The following SHC4 variants were observed in gnomAD, a reference collection of about 807,000 sequenced individuals.
SHC4 encodes the protein SHC-transforming protein 4.
Under a neutral mutation model 69.4 loss-of-function variants are expected in SHC4, and 41 were observed. The ratio of observed to expected loss-of-function variants is 0.59; its 90% CI spans 0.46 to 0.77. The LOEUF (loss-of-function observed/expected upper bound fraction) is 0.77. SHC4 is among the 30% of genes least tolerant of loss of function. The pLI is 0.00. For synonymous variants in SHC4, 318 were observed against 299.3 expected (o/e 1.06, Z -0.64); for missense variants, 777 against 783.8 (o/e 0.99, Z 0.10).
At chr15:48,863,835 A>G (rs1899500299) in intron 6 of SHC4, among the ~76,000 whole-genome samples, 1 of 152,158 alleles carries the variant, frequency 6.6e-6, no homozygotes, top group African/African-American at 2.4e-5. Flanking sequence ...TTGTGTGCTC[A>G]GGACGTAGAA....
intron 5 of SHC4, 61 bp downstream of exon 5, chr15:48,872,028 G>T: frequency 9.8e-7 from 1 of 1,021,738 alleles, no homozygotes; most frequent in Non-Finnish European, 1.5e-6. Context: ...TTATCATCCA[G>T]CCCCAAATGT....
chr15:48,829,104 C>G (rs141535396), intron 11 of SHC4, among the ~76,000 whole-genome samples: 1 of 152,144 alleles, frequency 6.6e-6, no homozygotes, highest in Non-Finnish European at 1.5e-5. Flanking sequence ...TCCACTGATA[C>G]TTGTTATGAT....
chr15:48,959,522 A>G (rs959654564), intron 1 of SHC4, among the ~76,000 whole-genome samples: 5 of 152,224 alleles, frequency 3.3e-5, no homozygotes, highest in African/African-American at 1.2e-4. Flanking sequence ...GAGCAGTCAC[A>G]TGATATGGAT....
chr15:48,956,648 C>T (rs1255315178), intron 1 of SHC4, among the ~76,000 whole-genome samples: 1 of 152,122 alleles, frequency 6.6e-6, no homozygotes, highest in Non-Finnish European at 1.5e-5. Flanking sequence ...TGTTCTACCA[C>T]CCTCCATCTC....
At chr15:48,957,189 G>T (rs1418735665) in intron 1 of SHC4, among the ~76,000 whole-genome samples, 5 of 151,898 alleles carry the variant, frequency 3.3e-5, no homozygotes, top group Non-Finnish European at 7.4e-5. Flanking sequence ...TGTTGGCCTG[G>T]CTGGTCTCGA....
intron 4 of SHC4, chr15:48,878,080 A>T: frequency 3.4e-6 from 5 of 1,471,226 alleles, no homozygotes; most frequent in South Asian, 2.8e-5. Flanking sequence ...GCGCGGGGTT[A>T]CGCAAGCGCG....
At chr15:48,924,439 C>A (rs1261476950) in intron 2 of SHC4, among the ~76,000 whole-genome samples, 1 of 152,154 alleles carries the variant, frequency 6.6e-6, no homozygotes, top group East Asian at 1.9e-4. Context: ...GCTCACTGTA[C>A]ATAGAGGAGG....
At chr15:48,866,930 T>C (rs937797364) in intron 6 of SHC4, among the ~76,000 whole-genome samples, 1 of 152,248 alleles carries the variant, frequency 6.6e-6, no homozygotes. Flanking sequence ...ACTAACCATG[T>C]GACCTTGCTA....
chr15:48,925,850 T>C (rs746535363), intron 1 of SHC4, among the ~76,000 whole-genome samples: 18 of 152,138 alleles, frequency 1.2e-4, no homozygotes, highest in Non-Finnish European at 2.1e-4. Flanking sequence ...AGAGGGATGG[T>C]GTCAATAGGA....
rs760724336 is a variant in SHC4 at position 48,878,621 on chromosome 15, A to T, written c.840+5627T>A. 9.3e-6 allele frequency: 15 copies of T among 1,613,948 alleles called. No individual in the cohort carries two copies. In the Admixed American group the frequency reaches 1.7e-4, roughly 18 times the overall value. ...ACCAGCCCTGGATGGCGGGTTTCAG[A>T]TGCATTATGAGAAGACCCCGTTTGA... On this transcript the variant is annotated intron_variant, in intron 4 of 11. Transcript: ENST00000332408.
chr15:48,930,896 C>T (rs1414145766), intron 1 of SHC4, among the ~76,000 whole-genome samples: 1 of 152,308 alleles, frequency 6.6e-6, no homozygotes, highest in South Asian at 2.1e-4. Flanking sequence ...CTTCCTTTCA[C>T]TCATGCCTCA....
intron 11 of SHC4, 131 bp from the exon 12 acceptor site, chr15:48,826,257 T>TC: frequency 2.4e-6 from 2 of 835,930 alleles, no homozygotes; most frequent in East Asian, 6.0e-5. Context: ...AAGGTACTTT[T>TC]TTTTTTTTTT....
chr15:48,833,531 G>C (rs947841684), intron 11 of SHC4, among the ~76,000 whole-genome samples: 2 of 152,144 alleles, frequency 1.3e-5, no homozygotes, highest in East Asian at 3.9e-4. Context: ...TTCTGAAGGA[G>C]AACCTTCAAG....
intron 9 of SHC4, among the ~76,000 whole-genome samples, chr15:48,849,438 G>C (rs1899163381): frequency 6.6e-6 from 1 of 152,156 alleles, no homozygotes; most frequent in African/African-American, 2.4e-5. Flanking sequence ...CATATTTGTA[G>C]GCATTTGTTT....
chr15:48,936,929 T>A (rs775744815), intron 1 of SHC4, among the ~76,000 whole-genome samples: 14 of 152,194 alleles, frequency 9.2e-5, no homozygotes, highest in Non-Finnish European at 1.9e-4. Context: ...GTTTCATCTC[T>A]GCCTACAGAC....
chr15:48,880,273 C>T (rs1047461002), intron 4 of SHC4: 1 of 166,436 alleles, frequency 6.0e-6, no homozygotes, highest in Admixed American at 6.5e-5. Flanking sequence ...CAGAATTGCT[C>T]AGACACTAGC....
chr15:48,934,949 C>G (rs930909732), intron 1 of SHC4, among the ~76,000 whole-genome samples: 1 of 152,122 alleles, frequency 6.6e-6, no homozygotes, highest in African/African-American at 2.4e-5. Context: ...AGTGTGACCT[C>G]TAACAGGTAC....
chr15:48,900,465 C>G (rs1378698649), intron 2 of SHC4, among the ~76,000 whole-genome samples: 1 of 151,194 alleles, frequency 6.6e-6, no homozygotes, highest in Non-Finnish European at 1.5e-5. Flanking sequence ...TGAGATCGTG[C>G]TACTGCACTC....
At chr15:48,954,737 C>T (rs187819849) in intron 1 of SHC4, among the ~76,000 whole-genome samples, 2 of 152,296 alleles carry the variant, frequency 1.3e-5, no homozygotes, top group Non-Finnish European at 2.9e-5. Context: ...GGGGAAATGC[C>T]AAAACCAAGT....
Sources: gnomAD v4.1 joint callset for allele counts (sites outside exome capture counted in the v4.1 genomes callset) on GRCh38, gnomAD v4.1.1 for gene constraint, MANE v1.5 for transcripts, NCBI Gene and HGNC (gene_info 2026-07-23, HGNC 2026-07-21) for gene names.